The following IFNAR1 variants were observed in gnomAD, a reference collection of about 807,000 sequenced individuals.
The protein encoded by IFNAR1 is interferon alpha and beta receptor subunit 1, also known as interferon alpha/beta receptor 1.
Under a neutral mutation model 62.1 loss-of-function variants are expected in IFNAR1, and 47 were observed. The observed-to-expected ratio is 0.76, with a 90% CI of 0.60 to 0.97. The LOEUF (loss-of-function observed/expected upper bound fraction) is 0.97. IFNAR1 is among the 50% of genes least tolerant of loss of function. The pLI, the probability that IFNAR1 is intolerant of heterozygous loss-of-function variation, is 0.00. For synonymous variants in IFNAR1, 219 were observed against 226.9 expected, an observed-to-expected ratio of 0.97 and a Z score of 0.31; for missense variants, 638 against 654.5, an observed-to-expected ratio of 0.97 and a Z score of 0.27.
intron 1 of IFNAR1, among the ~76,000 whole-genome samples, chr21:33,325,468 A>T (rs1255050777): frequency 6.6e-6 from 1 of 152,212 alleles, no homozygotes; most frequent in African/African-American, 2.4e-5. Context: ...ATAATAAACA[A>T]AACATTTCCC....
intron 6 of IFNAR1, among the ~76,000 whole-genome samples, chr21:33,347,544 G>A (rs2083361268): frequency 2.0e-5 from 3 of 152,142 alleles, no homozygotes; most frequent in South Asian, 4.1e-4. Flanking sequence ...TGGGATTAGA[G>A]GCATGAGCCA....
At chr21:33,342,835 C>T (rs1337181191) in intron 3 of IFNAR1, among the ~76,000 whole-genome samples, 1 of 151,754 alleles carries the variant, frequency 6.6e-6, no homozygotes, top group Admixed American at 6.6e-5. Context: ...CCAGCCTGGG[C>T]GACAGAGCGA....
intron 5 of IFNAR1, 129 bp downstream of exon 5, chr21:33,343,805 A>T (rs2083318205): frequency 1.7e-6 from 1 of 589,170 alleles, no homozygotes; most frequent in Non-Finnish European, 2.9e-6. Flanking sequence ...CATTTACATA[A>T]GCAAAATAAA....
rs2083471149 is a variant in IFNAR1, at chr21:33,358,581, T to C, written c.*3032T>C. ...CCCACCTGATGTAGGTCTTATTCCT[T>C]TAGTATGGACTTAAAGTACTTATTC... On this transcript the variant is annotated 3_prime_UTR_variant, in exon 11 of 11. Transcript: ENST00000270139. The C allele has an allele frequency of 6.6e-6, 1 of 151,800 alleles. No homozygotes were observed. The highest frequency in any genetic ancestry group is 6.5e-5 in the Admixed American group (1 of 15,270). 9.4% of individuals were successfully genotyped at this position (151,800 alleles called of 1,614,324 possible). A position where few individuals can be genotyped will look rare whatever the true frequency, so the allele number is the denominator to read the frequency against.
Position 33,356,318 on chromosome 21 carries a change from T to C in IFNAR1, c.*769T>C, listed in dbSNP as rs1221762631. 1 of 152,228 alleles carries C rather than the reference T, an allele frequency of 6.6e-6. No individual in the cohort carries two copies. The highest frequency in any genetic ancestry group is 2.4e-5 in the African/African-American group (1 of 41,462). 9.4% of individuals were successfully genotyped at this position (152,228 alleles called of 1,614,324 possible). ...GAGATATTTCAAACATTTGGTCTTT[T>C]CTTTTAACACTGAGGGTAGGCCCTT... On this transcript the variant is annotated 3_prime_UTR_variant, in exon 11 of 11. Transcript: ENST00000270139.
intron 2 of IFNAR1, 50 bp downstream of exon 2, chr21:33,335,697 C>G (rs1278945421): frequency 7.3e-7 from 1 of 1,369,224 alleles, no homozygotes; most frequent in Middle Eastern, 1.9e-4. Context: ...ATAATTTTTA[C>G]AAGTTTAACA....
At chr21:33,334,790 A>G (rs1361413915) in intron 1 of IFNAR1, 3 of 799,552 alleles carry the variant, frequency 3.8e-6, no homozygotes, top group Non-Finnish European at 6.7e-6. Flanking sequence ...CACTGGTGCC[A>G]TCAGTGGCTA....
intron 1 of IFNAR1, among the ~76,000 whole-genome samples, chr21:33,333,498 G>A (rs978983938): frequency 6.6e-6 from 1 of 151,902 alleles, no homozygotes; most frequent in Non-Finnish European, 1.5e-5. Flanking sequence ...AGGAAGAAAG[G>A]GGCAAAGGAT....
At chr21:33,349,614 T>C (rs1601863658) in intron 8 of IFNAR1, 71 bp downstream of exon 8, 1 of 1,193,090 alleles carries the variant, frequency 8.4e-7, no homozygotes, top group Non-Finnish European at 1.2e-6. Context: ...AAAGCTTGAA[T>C]GTAAAATTTG....
intron 9 of IFNAR1, among the ~76,000 whole-genome samples, 197 bp downstream of exon 9, chr21:33,353,105 T>G (rs928597572): frequency 1.1e-4 from 17 of 152,228 alleles, no homozygotes; most frequent in Non-Finnish European, 1.9e-4. Flanking sequence ...CAAGTCGGTG[T>G]TGTTGGATGC....
intron 1 of IFNAR1, among the ~76,000 whole-genome samples, chr21:33,330,442 T>C (rs1024945762): frequency 6.6e-6 from 1 of 152,226 alleles, no homozygotes; most frequent in Non-Finnish European, 1.5e-5. Flanking sequence ...AAAGTCACTG[T>C]ACATACCTAG....
At position 33,344,720 on chromosome 21, in the gene IFNAR1, G is replaced by A. The variant is rs185479896; in HGVS notation, c.674-526G>A. 4.8e-3 allele frequency among the ~76,000 whole-genome samples: 721 copies of A among 151,078 alleles called. 3 individuals are homozygous for A. Among genetic ancestry groups the A allele is most frequent in the Non-Finnish European group, 8.5e-3 (577 of 67,614 alleles). On this transcript the variant is annotated intron_variant, in intron 5 of 10. Transcript: ENST00000270139. ...ATATCACTCAATACAGATCTATTACGTTCTTCATTTGATCTTAGCCATCTA... is the reference window on the plus strand; with the variant it reads ...ATATCACTCAATACAGATCTATTACATTCTTCATTTGATCTTAGCCATCTA...
At chr21:33,331,161 G>A (rs2083175772) in intron 1 of IFNAR1, among the ~76,000 whole-genome samples, 3 of 152,190 alleles carry the variant, frequency 2.0e-5, no homozygotes, top group Admixed American at 2.0e-4. Flanking sequence ...AGCAGAGGTG[G>A]AACTACTCCA....
At position 33,358,455 on chromosome 21, in the gene IFNAR1, T is replaced by C. The variant is rs2083469810; in HGVS notation, c.*2906T>C. 1 of 151,980 alleles carries C rather than the reference T, an allele frequency of 6.6e-6. No individual in the cohort carries two copies. Among genetic ancestry groups the C allele is most frequent in the Admixed American group, 6.6e-5 (1 of 15,254 alleles). The allele number at this position is 151,980 out of a possible 1,614,324, so 9.4% of individuals were successfully genotyped here. A position where few individuals can be genotyped will look rare whatever the true frequency, so the allele number is the denominator to read the frequency against. Reference sequence around the variant, plus strand: ...ATCATTAGAGCCAGAAATAATTTTATATTAATATATAATACAGATTAACAT... The same window carrying C: ...ATCATTAGAGCCAGAAATAATTTTACATTAATATATAATACAGATTAACAT... On this transcript the variant is annotated 3_prime_UTR_variant, in exon 11 of 11. Coordinates refer to ENST00000270139, the MANE Select transcript of IFNAR1 (RefSeq NM_000629.3).
intron 8 of IFNAR1, 139 bp downstream of exon 8, chr21:33,349,682 C>T: frequency 1.6e-6 from 1 of 631,344 alleles, no homozygotes; most frequent in Non-Finnish European, 2.6e-6. Context: ...CCCAGCACTT[C>T]AGGAGGCCAA....
upstream of IFNAR1, chr21:33,324,900 T>TGTCAGAAGAGGCGGCGCGTGC: frequency 3.1e-6 from 2 of 642,098 alleles, no homozygotes; most frequent in Non-Finnish European, 5.5e-6. Flanking sequence ...GCGGTGTGTG[T>TGTCAGAAGAGGCGGCGCGTGC]GTCAGAAGAG....
chr21:33,344,901 C>T (rs1046235541), intron 5 of IFNAR1, among the ~76,000 whole-genome samples: 5 of 152,216 alleles, frequency 3.3e-5, no homozygotes, highest in East Asian at 1.9e-4. Context: ...GATTCTCCTG[C>T]CTCAGCCTCC....
chr21:33,353,055 A>G (rs986502687), intron 9 of IFNAR1, 147 bp downstream of exon 9: 1 of 514,448 alleles, frequency 1.9e-6, no homozygotes. Context: ...ACATGAATCA[A>G]AAGTAGACTT....
Position 33,343,685 on chromosome 21 carries a change from G to A in IFNAR1, c.673+9G>A, listed in dbSNP as rs1198715704. Reference sequence around the variant, plus strand: ...TTGTATAAAGACCACAGGTAAGGAAGATGTTTTGTTTTAGATTCAATAAAT... The same window carrying A: ...TTGTATAAAGACCACAGGTAAGGAAAATGTTTTGTTTTAGATTCAATAAAT... On this transcript the variant is annotated intron_variant, in intron 5 of 10. Coordinates refer to ENST00000270139, the MANE Select transcript of IFNAR1 (RefSeq NM_000629.3). 6.4e-7 allele frequency: 1 copy of A among 1,565,700 alleles called. No individual in the cohort carries two copies. Among genetic ancestry groups the A allele is most frequent in the South Asian group, 1.2e-5 (1 of 84,658 alleles).
Sources: gnomAD v4.1 joint callset for allele counts (sites outside exome capture counted in the v4.1 genomes callset) on GRCh38, gnomAD v4.1.1 for gene constraint, MANE v1.5 for transcripts, NCBI Gene and HGNC (gene_info 2026-07-23, HGNC 2026-07-21) for gene names.